The following MAGI2 variants were observed in gnomAD, a reference collection of about 807,000 sequenced individuals.
MAGI2 encodes the protein membrane-associated guanylate kinase, WW and PDZ domain-containing protein 2.
In MAGI2, 35 loss-of-function variants were observed where a neutral mutation model predicts 133.3. The ratio of observed to expected loss-of-function variants is 0.26; its 90% CI spans 0.20 to 0.35. The LOEUF is 0.35. Among genes scored for constraint, MAGI2 ranks in the 10% least tolerant of loss-of-function variants. The probability of loss-of-function intolerance (pLI) is 1.00; values close to 1 mark genes in which losing one functional copy is unlikely to be tolerated. For synonymous variants in MAGI2, 729 were observed against 710.6 expected (o/e 1.03, Z -0.41); for missense variants, 1,636 against 1,863.4 (o/e 0.88, Z 2.25).
intron 1 of MAGI2, among the ~76,000 whole-genome samples, chr7:79,077,185 G>A (rs1357501449): frequency 2.0e-5 from 3 of 152,100 alleles, no homozygotes; most frequent in African/African-American, 7.2e-5. Flanking sequence ...TTTTTGTACT[G>A]TGGTTCCTAT....
intron 1 of MAGI2, among the ~76,000 whole-genome samples, chr7:79,235,338 G>A (rs966037327): frequency 1.6e-3 from 240 of 152,166 alleles, no homozygotes; most frequent in African/African-American, 5.1e-3. Flanking sequence ...CGAGCTTCCC[G>A]GCTGCTTTGT....
chr7:78,359,978 G>T (rs1160895283), intron 7 of MAGI2, among the ~76,000 whole-genome samples: 2 of 152,154 alleles, frequency 1.3e-5, no homozygotes, highest in Non-Finnish European at 2.9e-5. Flanking sequence ...CTAACATTGT[G>T]ATTTATGACA....
intron 2 of MAGI2, among the ~76,000 whole-genome samples, chr7:78,685,056 T>C (rs1457587089): frequency 6.6e-6 from 1 of 152,244 alleles, no homozygotes; most frequent in African/African-American, 2.4e-5. Flanking sequence ...TAAAGTATTT[T>C]ATTTGTGGGC....
At chr7:78,525,765 A>T (rs1261337638) in intron 3 of MAGI2, among the ~76,000 whole-genome samples, 1 of 152,178 alleles carries the variant, frequency 6.6e-6, no homozygotes, top group Non-Finnish European at 1.5e-5. Flanking sequence ...GAAAGTGGGG[A>T]TGTAAGATGA....
chr7:78,254,255 A>G (rs1270877689), intron 10 of MAGI2: 1 of 152,186 alleles, frequency 6.6e-6, no homozygotes, highest in Non-Finnish European at 1.5e-5. Flanking sequence ...TTTTTCTGCT[A>G]TGTCATGCTT....
intron 21 of MAGI2, among the ~76,000 whole-genome samples, chr7:78,053,452 A>G (rs1456774447): frequency 6.6e-6 from 1 of 152,162 alleles, no homozygotes; most frequent in African/African-American, 2.4e-5. Context: ...ATTGGCCCCA[A>G]GGGGGTGAGG....
intron 6 of MAGI2, among the ~76,000 whole-genome samples, chr7:78,394,518 C>T (rs1796171999): frequency 6.6e-6 from 1 of 152,262 alleles, no homozygotes; most frequent in East Asian, 1.9e-4. Context: ...GTTTGCTCTG[C>T]TTGGAGCCCA....
intron 7 of MAGI2, among the ~76,000 whole-genome samples, chr7:78,354,872 C>T (rs6965501): frequency 0.81 from 122,839 of 152,070 alleles, 49,716 homozygotes; most frequent in Admixed American, 0.85. Flanking sequence ...TAAATGTGAC[C>T]GCAAGGTCTA....
intron 3 of MAGI2, among the ~76,000 whole-genome samples, chr7:78,586,492 T>C (rs1256347830): frequency 6.6e-6 from 1 of 152,212 alleles, no homozygotes. Context: ...AATTCAAGTC[T>C]GGGCAATAAG....
chr7:78,105,878 TTA>T (rs1644535200), intron 20 of MAGI2, among the ~76,000 whole-genome samples: 1 of 152,092 alleles, frequency 6.6e-6, no homozygotes, highest in Non-Finnish European at 1.5e-5. Context: ...TCAATTCTAC[TTA>T]TATTTTTAAA....
chr7:79,377,871 T>C (rs1656433129), intron 1 of MAGI2, among the ~76,000 whole-genome samples: 2 of 151,822 alleles, frequency 1.3e-5, no homozygotes, highest in African/African-American at 4.8e-5. Context: ...CGAATACAGG[T>C]CACTTTTAGC....
At chr7:78,559,641 G>C (rs1156792483) in intron 3 of MAGI2, among the ~76,000 whole-genome samples, 2 of 152,128 alleles carry the variant, frequency 1.3e-5, no homozygotes, top group African/African-American at 4.8e-5. Context: ...AAATACCCGA[G>C]AATCAGAGTG....
intron 2 of MAGI2, among the ~76,000 whole-genome samples, chr7:78,894,127 C>T (rs943435337): frequency 2.0e-5 from 3 of 152,134 alleles, no homozygotes; most frequent in Non-Finnish European, 2.9e-5. Context: ...CTTGGCCGGG[C>T]GCTGTGGCTC....
chr7:78,297,179 G>C (rs1383856978), intron 9 of MAGI2, among the ~76,000 whole-genome samples: 1 of 152,112 alleles, frequency 6.6e-6, no homozygotes, highest in Non-Finnish European at 1.5e-5. Context: ...GAAGGGAAAG[G>C]GAGGACAAAG....
intron 1 of MAGI2, among the ~76,000 whole-genome samples, chr7:79,114,381 T>C (rs1819211470): frequency 6.6e-6 from 1 of 152,206 alleles, no homozygotes; most frequent in Non-Finnish European, 1.5e-5. Context: ...GGGTGGTAGA[T>C]GTCTCATGAT....
chr7:79,081,453 G>A (rs906502133), intron 1 of MAGI2, among the ~76,000 whole-genome samples: 1 of 152,106 alleles, frequency 6.6e-6, no homozygotes, highest in Non-Finnish European at 1.5e-5. Context: ...ATTGGCTTTG[G>A]TTACCTATAC....
At chr7:78,605,650 CTGTT>C (rs1345682773) in intron 3 of MAGI2, among the ~76,000 whole-genome samples, 1 of 152,112 alleles carries the variant, frequency 6.6e-6, no homozygotes, top group Non-Finnish European at 1.5e-5. Context: ...ATGCTGAAGT[CTGTT>C]TGGAGATGAA....
chr7:79,288,673 T>C (rs1250654134), intron 1 of MAGI2, among the ~76,000 whole-genome samples: 7 of 152,088 alleles, frequency 4.6e-5, no homozygotes, highest in Non-Finnish European at 1.0e-4. Flanking sequence ...CATTCAGATC[T>C]CCTGGAGATC....
At chr7:78,106,589 G>T (rs989116948) in intron 20 of MAGI2, among the ~76,000 whole-genome samples, 3 of 152,018 alleles carry the variant, frequency 2.0e-5, no homozygotes, top group Non-Finnish European at 4.4e-5. Flanking sequence ...GGTTTGATTT[G>T]CATTTCTCTG....
Sources: gnomAD v4.1 joint callset for allele counts (sites outside exome capture counted in the v4.1 genomes callset) on GRCh38, gnomAD v4.1.1 for gene constraint, MANE v1.5 for transcripts, NCBI Gene and HGNC (gene_info 2026-07-23, HGNC 2026-07-21) for gene names.